The following MGAT1 variants were observed in gnomAD, a reference collection of about 807,000 sequenced individuals.
The protein encoded by MGAT1 is N-glycosyl-oligosaccharide-glycoprotein N-acetylglucosaminyltransferase I.
A neutral mutation model predicts 31.7 loss-of-function variants in MGAT1; 14 were observed. That is an observed-to-expected ratio of 0.44 (90% CI 0.29 to 0.69). The LOEUF is 0.69. Among genes scored for constraint, MGAT1 ranks in the 30% least tolerant of loss-of-function variants. The pLI, the probability that MGAT1 is intolerant of heterozygous loss-of-function variation, is 0.12. For missense variants in MGAT1, 557 were observed against 626.0 expected (o/e 0.89, Z 1.18); for synonymous variants, 338 against 276.0 (o/e 1.22, Z -2.23).
chr5:180,797,669 G>C (rs1264680927), intron 1 of MGAT1, among the ~76,000 whole-genome samples: 1 of 152,156 alleles, frequency 6.6e-6, no homozygotes, highest in African/African-American at 2.4e-5. Flanking sequence ...TACTTGGCAA[G>C]TCTGCACACA....
intron 1 of MGAT1, chr5:180,811,244 C>T (rs1286356411): frequency 6.6e-6 from 1 of 152,204 alleles, no homozygotes; most frequent in Non-Finnish European, 1.5e-5. Context: ...GGGATTTCTC[C>T]AGAGCACGGA....
At chr5:180,801,993 G>A (rs1332148621) in intron 1 of MGAT1, among the ~76,000 whole-genome samples, 3 of 152,134 alleles carry the variant, frequency 2.0e-5, no homozygotes, top group Non-Finnish European at 4.4e-5. Flanking sequence ...AAGGCTACAC[G>A]GCCTGAAAAA....
At chr5:180,814,896 G>A (rs111958970) in intron 1 of MGAT1, among the ~76,000 whole-genome samples, 2 of 150,544 alleles carry the variant, frequency 1.3e-5, no homozygotes, top group Non-Finnish European at 3.0e-5. Context: ...AGCTGAGATC[G>A]CGCCACTGCA....
chr5:180,798,187 G>A (rs1180341148), intron 1 of MGAT1, among the ~76,000 whole-genome samples: 1 of 152,154 alleles, frequency 6.6e-6, no homozygotes, highest in Non-Finnish European at 1.5e-5. Flanking sequence ...GCCATGTTAG[G>A]TGTTTAGAAC....
At chr5:180,799,586 C>T (rs1002060887) in intron 1 of MGAT1, among the ~76,000 whole-genome samples, 3 of 152,202 alleles carry the variant, frequency 2.0e-5, no homozygotes, top group African/African-American at 7.2e-5. Context: ...GTGCTTGGCA[C>T]ATGTATGAGG....
rs1352219580 is a variant in MGAT1 at position 180,793,108 on chromosome 5, G to A, written c.-126-11C>T. The stretch of plus-strand genomic sequence containing the variant: ...GAGGCAGCCATGCACCTAAAGACAG[G>A]AGAGAGAAAGCAAACCGTCACACAA... On this transcript the variant is annotated splice_polypyrimidine_tract_variant and intron_variant, in intron 1 of 1. Coordinates refer to ENST00000307826, the MANE Select transcript of MGAT1 (RefSeq NM_002406.4). The A allele has an allele frequency of 5.7e-6, 6 of 1,061,142 alleles. No homozygotes were observed. The highest frequency in any genetic ancestry group is 8.0e-6 in the Non-Finnish European group (6 of 750,322). 65.7% of individuals were successfully genotyped at this position (1,061,142 alleles called of 1,614,324 possible).
intron 1 of MGAT1, chr5:180,811,079 G>C (rs1772528147): frequency 6.6e-6 from 1 of 152,226 alleles, no homozygotes; most frequent in Non-Finnish European, 1.5e-5. Context: ...CTGAATCCAG[G>C]GGAGCCGCTA....
At position 180,791,908 on chromosome 5, in the gene MGAT1, T is replaced by C; in HGVS notation, c.1064A>G (p.Asp355Gly). The change falls in exon 2 of 2, where the codon GAC becomes GGC. Residue 355 changes from aspartate to glycine, a missense_variant. By Grantham distance (94) the Asp-to-Gly change is moderately conservative (BLOSUM62 -1). Transcript: ENST00000307826. ...DLSYLQREAY[D>G]RDFLARVYGA... ...GTAGACGCGGGCGAGGAAATCTCGGTCATAGGCCTCCCGCTGCAGGTAAGA... is the reference window on the plus strand; with the variant it reads ...GTAGACGCGGGCGAGGAAATCTCGGCCATAGGCCTCCCGCTGCAGGTAAGA... 1 of 1,614,200 alleles carries C rather than the reference T, an allele frequency of 6.2e-7. No homozygotes were observed. The highest frequency in any genetic ancestry group is 8.5e-7 in the Non-Finnish European group (1 of 1,180,034).
rs140502932 is a variant in MGAT1, at chr5:180,786,334, G to C, written c.*5300C>G. On this transcript the variant is annotated 3_prime_UTR_variant, in exon 2 of 2. Transcript: ENST00000307826. ...TTCATTCTGCCCCTCTCCAGGTCAG[G>C]GTTCCTAATGCACTCCCCCCAAAGC... is the stretch of plus-strand genomic sequence containing the variant. 6.6e-6 allele frequency: 1 copy of C among 152,172 alleles called. No individual in the cohort carries two copies. Among genetic ancestry groups the C allele is most frequent in the African/African-American group, 2.4e-5 (1 of 41,400 alleles). 9.4% of individuals were successfully genotyped at this position (152,172 alleles called of 1,614,324 possible). A position where few individuals can be genotyped will look rare whatever the true frequency, so the allele number is the denominator to read the frequency against.
intron 1 of MGAT1, among the ~76,000 whole-genome samples, chr5:180,812,652 T>C (rs989597249): frequency 5.3e-5 from 8 of 152,222 alleles, no homozygotes; most frequent in African/African-American, 1.7e-4. Context: ...TTATTTTCTA[T>C]AATTCGAGTC....
Position 180,791,617 on chromosome 5 carries a change from G to A in MGAT1, c.*17C>T. The A allele has an allele frequency of 6.2e-7, 1 of 1,609,910 alleles. No homozygotes were observed. On this transcript the variant is annotated 3_prime_UTR_variant, in exon 2 of 2. Coordinates refer to ENST00000307826, the MANE Select transcript of MGAT1 (RefSeq NM_002406.4). Reference sequence around the variant, plus strand: ...TCATGATGTGGCAAGGAGGGGCCCAGGAAGGACAGGCAGGTGCTAATTCCA... The same window carrying A: ...TCATGATGTGGCAAGGAGGGGCCCAAGAAGGACAGGCAGGTGCTAATTCCA...
chr5:180,814,804 G>T (rs528779830), intron 1 of MGAT1, among the ~76,000 whole-genome samples: 1 of 151,994 alleles, frequency 6.6e-6, no homozygotes, highest in Non-Finnish European at 1.5e-5. Context: ...GCCAGGCGTG[G>T]TGGCAGGTGC....
rs1767749082 is a variant in MGAT1 at position 180,788,709 on chromosome 5, A to G, written c.*2925T>C. On this transcript the variant is annotated 3_prime_UTR_variant, in exon 2 of 2. Transcript: ENST00000307826. Reference sequence around the variant, plus strand: ...TGGAGCACTAAGTAAGTTGGTACTTATCCTGGAGCACTAAGTAAGTTGGTA... The same window carrying G: ...TGGAGCACTAAGTAAGTTGGTACTTGTCCTGGAGCACTAAGTAAGTTGGTA... 7.0e-6 allele frequency: 1 copy of G among 142,880 alleles called. No individual in the cohort carries two copies. The highest frequency in any genetic ancestry group is 2.6e-5 in the African/African-American group (1 of 38,590). The allele number at this position is 142,880 out of a possible 1,614,324, so 8.9% of individuals were successfully genotyped here. A position where few individuals can be genotyped will look rare whatever the true frequency, so the allele number is the denominator to read the frequency against.
intron 1 of MGAT1, among the ~76,000 whole-genome samples, chr5:180,801,267 G>A (rs771622526): frequency 4.6e-5 from 7 of 152,222 alleles, no homozygotes; most frequent in African/African-American, 9.7e-5. Context: ...AGCAATAAGC[G>A]AGAAGTTATA....
At chr5:180,814,873 G>A (rs1339556760) in intron 1 of MGAT1, among the ~76,000 whole-genome samples, 2 of 151,808 alleles carry the variant, frequency 1.3e-5, no homozygotes, top group Non-Finnish European at 2.9e-5. Context: ...CCGGGGGGGC[G>A]GTGGTTGCAG....
intron 1 of MGAT1, chr5:180,795,455 A>G (rs568411081): frequency 6.6e-6 from 1 of 152,340 alleles, no homozygotes; most frequent in East Asian, 1.9e-4. Context: ...TATGGACAGT[A>G]GGTTAAAGTA....
chr5:180,811,412 G>C (rs1208555947), intron 1 of MGAT1: 2 of 152,184 alleles, frequency 1.3e-5, no homozygotes, highest in East Asian at 3.8e-4. Context: ...TTGCAAGGAA[G>C]AAGAAAATAA....
In MGAT1 at chr5:180,792,271, G is replaced by A. The variant is rs10479584; in HGVS notation, c.701C>T (p.Ser234Phe). The change falls in exon 2 of 2, where the codon TCC (serine) becomes TTC (phenylalanine). Residue 234 changes from serine to phenylalanine, a missense_variant. Around this residue, in one of 3 missense-constraint regions of MGAT1, gnomAD observed 245 missense variants for 332.9 expected, o/e 0.74. Transcript: ENST00000307826. ...ATYPLLKADP[S>F]LWCVSAWNDN... ...ATTCCAGGCCGAGACGCACCACAGG[G>A]AGGGGTCGGCCTTCAGCAGCGGATA... 2 of 1,612,468 alleles carry A rather than the reference G, an allele frequency of 1.2e-6. No homozygotes were observed. Among genetic ancestry groups the A allele is most frequent in the African/African-American group, 2.7e-5 (2 of 74,922 alleles).
chr5:180,802,883 G>A (rs1771190515), upstream of MGAT1: 1 of 150,070 alleles, frequency 6.7e-6, no homozygotes, highest in Non-Finnish European at 1.5e-5. Flanking sequence ...GCGGACTGAG[G>A]GGCGTGACCG....
Sources: allele counts gnomAD v4.1 joint callset (sites outside exome capture counted in the v4.1 genomes callset), GRCh38; gene constraint gnomAD v4.1.1; regional missense constraint gnomAD v4.1.1; transcripts MANE v1.5; gene names NCBI Gene and HGNC (gene_info 2026-07-23, HGNC 2026-07-21).